The following NEBL variants were observed in gnomAD, a reference collection of about 807,000 sequenced individuals.
NEBL encodes the protein nebulette.
NEBL carries 122 observed loss-of-function variants against 140.2 expected under a neutral mutation model. The ratio of observed to expected loss-of-function variants is 0.87; its 90% confidence interval spans 0.75 to 1.01. The LOEUF (loss-of-function observed/expected upper bound fraction) is 1.01, where lower values mean the gene tolerates loss of function less well. Ranked by LOEUF, NEBL falls within the 50% of genes least tolerant of loss-of-function variation. The pLI, the probability that NEBL is intolerant of heterozygous loss-of-function variation, is 0.00. For synonymous variants in NEBL, 436 were observed against 398.9 expected (o/e 1.09, Z -1.11); for missense variants, 1,365 against 1,231.3 (o/e 1.11, Z -1.62).
chr10:20,857,540 C>T lies in NEBL; in HGVS notation c.903+700G>A, dbSNP rs1843204409. Among the ~76,000 whole-genome samples, 4 of 152,172 alleles carry T rather than the reference C, an allele frequency of 2.6e-5. No individual in the cohort carries two copies. In the South Asian group the frequency reaches 8.3e-4, roughly 32 times the overall value. On this transcript the variant is annotated intron_variant, in intron 9 of 27. Coordinates refer to ENST00000377122, the MANE Select transcript of NEBL (RefSeq NM_006393.3). The stretch of plus-strand genomic sequence containing the variant: ...TTATGGTCAAATAAGAGCTCATTGC[C>T]ACCATGAGATGTACAAAATGGAGCC...
chr10:21,086,723 GC>G (rs1836649904), intron 2 of NEBL, among the ~76,000 whole-genome samples: 1 of 152,178 alleles, frequency 6.6e-6, no homozygotes, highest in African/African-American at 2.4e-5. Flanking sequence ...GTTGCAGTGA[GC>G]CATGATCGTG....
intron 2 of NEBL, chr10:21,029,562 A>G: frequency 1.2e-6 from 2 of 1,602,312 alleles, no homozygotes; most frequent in South Asian, 2.2e-5. Context: ...GCCGTGATAG[A>G]AATCGGGATT....
rs1184949613 is a variant in NEBL at position 21,140,147 on chromosome 10, C to T, written c.164+32236G>A. Among the ~76,000 whole-genome samples, 4 of 152,034 alleles carry T rather than the reference C, an allele frequency of 2.6e-5. No homozygotes were observed. In the South Asian group the frequency reaches 6.2e-4, roughly 24 times the overall value. ...CTACACTTCAGCGTGGTCGACAGAG[C>T]GAGACTCTGTCTCAAAATAAATGTA... is the stretch of plus-strand genomic sequence containing the variant. On this transcript the variant is annotated intron_variant, in intron 2 of 6. Coordinates refer to the NEBL transcript ENST00000417816.
chr10:20,997,202 A>C (rs1055351517), intron 3 of NEBL, among the ~76,000 whole-genome samples: 2 of 151,976 alleles, frequency 1.3e-5, no homozygotes, highest in Non-Finnish European at 2.9e-5. Flanking sequence ...CACTCACTCA[A>C]TCCTTTGTTC....
chr10:20,805,245 T>C (rs561397791), intron 26 of NEBL, among the ~76,000 whole-genome samples: 56 of 152,314 alleles, frequency 3.7e-4, no homozygotes, highest in African/African-American at 1.3e-3. Flanking sequence ...GAGGTGGTAT[T>C]GAACTTATAA....
chr10:20,977,189 T>C (rs1766692768), intron 3 of NEBL, among the ~76,000 whole-genome samples: 1 of 152,174 alleles, frequency 6.6e-6, no homozygotes, highest in Non-Finnish European at 1.5e-5. Context: ...GCCCTTTAGA[T>C]AGAAGCCGGA....
At chr10:20,829,267 T>C (rs1225065071) in intron 16 of NEBL, among the ~76,000 whole-genome samples, 1 of 152,088 alleles carries the variant, frequency 6.6e-6, no homozygotes, top group Non-Finnish European at 1.5e-5. Flanking sequence ...TAAAAAATGA[T>C]GAGTTCATGT....
intron 13 of NEBL, 129 bp from the exon 14 acceptor site, chr10:20,835,752 T>C: frequency 4.1e-6 from 3 of 725,640 alleles, no homozygotes; most frequent in South Asian, 2.9e-5. Flanking sequence ...TTGAGTACTA[T>C]GAATGATCAC....
At chr10:21,234,939 T>A (rs1316670773) in intron 3 of NEBL, among the ~76,000 whole-genome samples, 1 of 152,136 alleles carries the variant, frequency 6.6e-6, no homozygotes, top group East Asian at 1.9e-4. Context: ...CCAAGGCCTC[T>A]TTAACAGAGA....
chr10:21,198,119 T>C (rs1277656989), intron 3 of NEBL, among the ~76,000 whole-genome samples: 1 of 152,032 alleles, frequency 6.6e-6, no homozygotes, highest in Non-Finnish European at 1.5e-5. Context: ...CATCATACCT[T>C]ACAGTGATCA....
intron 27 of NEBL, 60 bp from the exon 28 acceptor site, chr10:20,785,983 A>G: frequency 6.6e-7 from 1 of 1,506,812 alleles, no homozygotes; most frequent in Admixed American, 1.7e-5. Flanking sequence ...CACAAATTCC[A>G]ATCACAACAC....
intron 3 of NEBL, 59 bp downstream of exon 3, chr10:20,889,786 C>G (rs1434248433): frequency 2.0e-6 from 2 of 1,024,192 alleles, no homozygotes; most frequent in African/African-American, 3.2e-5. Flanking sequence ...CACAGACTTT[C>G]ATCTATATAA....
chr10:21,066,746 G>T (rs1371805300), intron 2 of NEBL, among the ~76,000 whole-genome samples: 1 of 152,040 alleles, frequency 6.6e-6, no homozygotes, highest in South Asian at 2.1e-4. Flanking sequence ...TCATTTACTG[G>T]GTCAAATGCA....
At chr10:20,835,657 C>T (rs748811070) in intron 13 of NEBL, 34 bp from the exon 14 acceptor site, 2 of 1,434,060 alleles carry the variant, frequency 1.4e-6, no homozygotes, top group Non-Finnish European at 2.0e-6. Flanking sequence ...CATTCAAACA[C>T]TCAGTGGGCA....
rs111346650 is a variant in NEBL at position 20,784,358 on chromosome 10, AT to A, written c.*1388del. ...TCAAGACCCACCAGCAAGGGCTAGC[AT>A]AAAGCCTGCAAAGTCACTTATTCGA... On this transcript the variant is annotated 3_prime_UTR_variant, in exon 28 of 28. Transcript: ENST00000377122. 0.53 allele frequency: 80,179 copies of A among 151,898 alleles called. 22,193 individuals carry two copies. Among genetic ancestry groups the A allele is most frequent in the African/African-American group, 0.69 (28,596 of 41,422 alleles). 9.4% of individuals were successfully genotyped at this position (151,898 alleles called of 1,614,324 possible). A position where few individuals can be genotyped will look rare whatever the true frequency, so the allele number is the denominator to read the frequency against.
chr10:20,933,426 A>G (rs75839660), intron 4 of NEBL, among the ~76,000 whole-genome samples: 3 of 152,202 alleles, frequency 2.0e-5, no homozygotes, highest in Non-Finnish European at 4.4e-5. Context: ...GCAGGTAAAT[A>G]TAAACCTTAA....
At chr10:21,237,867 A>G (rs1274946763) in intron 3 of NEBL, among the ~76,000 whole-genome samples, 1 of 152,170 alleles carries the variant, frequency 6.6e-6, no homozygotes, top group Non-Finnish European at 1.5e-5. Context: ...TCAATCTCCC[A>G]AAGTGCTGGG....
chr10:21,036,640 G>T (rs1457766376), intron 2 of NEBL, among the ~76,000 whole-genome samples: 2 of 152,040 alleles, frequency 1.3e-5, no homozygotes, highest in African/African-American at 4.8e-5. Flanking sequence ...TTCAAAAAGT[G>T]CATTCAGATC....
At chr10:20,915,395 T>G in intron 4 of NEBL, among the ~76,000 whole-genome samples, 1 of 143,872 alleles carries the variant, frequency 7.0e-6, no homozygotes. Flanking sequence ...CCCAATGCTA[T>G]CCCTCCCCCC....
Sources: gnomAD v4.1 joint callset for allele counts (sites outside exome capture counted in the v4.1 genomes callset) on GRCh38, gnomAD v4.1.1 for gene constraint, MANE v1.5 for transcripts, NCBI Gene and HGNC (gene_info 2026-07-23, HGNC 2026-07-21) for gene names.